The following DGKB variants were observed in gnomAD, a reference collection of about 807,000 sequenced individuals.
The protein encoded by DGKB is diacylglycerol kinase beta.
Under a neutral mutation model 114.3 loss-of-function variants are expected in DGKB, and 67 were observed. The observed-to-expected ratio is 0.59, with a 90% CI of 0.48 to 0.72. DGKB has a LOEUF of 0.72. Among genes scored for constraint, DGKB ranks in the 30% least tolerant of loss-of-function variants. The pLI is 0.00. For missense variants in DGKB, 907 were observed against 975.2 expected (o/e 0.93, Z 0.93); for synonymous variants, 398 against 323.1 (o/e 1.23, Z -2.49).
chr7:14,501,959 G>A (rs1242267231), intron 20 of DGKB, among the ~76,000 whole-genome samples: 2 of 151,890 alleles, frequency 1.3e-5, no homozygotes, highest in African/African-American at 4.8e-5. Context: ...TTGGAAGATG[G>A]TGAGTATATT....
chr7:14,540,458 T>C (rs1282490089), intron 20 of DGKB, among the ~76,000 whole-genome samples: 1 of 152,120 alleles, frequency 6.6e-6, no homozygotes, highest in Non-Finnish European at 1.5e-5. Flanking sequence ...TAAAAAGCTC[T>C]GGGGTAAGTT....
At chr7:14,558,839 C>T (rs572309269) in intron 20 of DGKB, among the ~76,000 whole-genome samples, 84 of 152,290 alleles carry the variant, frequency 5.5e-4, no homozygotes, top group African/African-American at 9.9e-4. Flanking sequence ...ACCTAGGACT[C>T]CATTTGCTTA....
At chr7:14,759,749 A>C (rs67412719) in intron 2 of DGKB, among the ~76,000 whole-genome samples, 16,409 of 152,174 alleles carry the variant, frequency 0.11, 1,024 homozygotes, top group African/African-American at 0.18. Flanking sequence ...TAAACATATA[A>C]TTCAATTCTC....
chr7:14,737,283 A>ATTTTT (rs11348925), intron 4 of DGKB, among the ~76,000 whole-genome samples: 1 of 82,502 alleles, frequency 1.2e-5, no homozygotes, highest in East Asian at 3.9e-4. Flanking sequence ...TTGAAGGCCA[A>ATTTTT]TTTTTTTTTT....
chr7:14,417,978 A>T (rs1157433805), intron 21 of DGKB, among the ~76,000 whole-genome samples: 4 of 151,430 alleles, frequency 2.6e-5, no homozygotes, highest in African/African-American at 9.6e-5. Context: ...AAACATAAGT[A>T]AACTTGAGTT....
Position 14,621,490 on chromosome 7 carries a change from C to T in DGKB, c.1172G>A (p.Arg391Lys), listed in dbSNP as rs753752171. The T allele has an allele frequency of 1.9e-6, 3 of 1,579,982 alleles. No homozygotes were observed. The highest frequency in any genetic ancestry group is 2.6e-6 in the Non-Finnish European group (3 of 1,163,640). ...CTTTTCCTTTTTCACTGTTGATTGT[C>T]TTTCCTGTAAAAAAGAAAATTTTGA... is the stretch of plus-strand genomic sequence containing the variant. Reference protein sequence around the residue: ...PTSGVSVPEERQSTVKKEKSG... With the variant: ...PTSGVSVPEEKQSTVKKEKSG... The change falls in exon 15 of 26, where the codon AGA becomes AAA. Residue 391 changes from arginine to lysine, a missense_variant. Transcript: ENST00000402815.
chr7:14,690,759 C>A (rs1382964796), intron 9 of DGKB, among the ~76,000 whole-genome samples: 1 of 152,146 alleles, frequency 6.6e-6, no homozygotes, highest in Non-Finnish European at 1.5e-5. Flanking sequence ...ACAGAGTTTA[C>A]CTCTATATAA....
intron 12 of DGKB, among the ~76,000 whole-genome samples, chr7:14,675,617 T>C (rs977122816): frequency 4.6e-5 from 7 of 151,602 alleles, no homozygotes; most frequent in African/African-American, 1.7e-4. Flanking sequence ...ATAAATCTAG[T>C]ATGGGATTTC....
At chr7:14,706,994 C>CA (rs1826374367) in intron 6 of DGKB, among the ~76,000 whole-genome samples, 2 of 149,996 alleles carry the variant, frequency 1.3e-5, no homozygotes, top group South Asian at 2.1e-4. Context: ...AATAGAGACA[C>CA]AAAAAACCCT....
chr7:14,277,167 CTTAGT>C (rs1263122633), intron 23 of DGKB, among the ~76,000 whole-genome samples: 1 of 114,340 alleles, frequency 8.7e-6, no homozygotes, highest in Non-Finnish European at 1.9e-5. Context: ...TTTAAATTTT[CTTAGT>C]TTATTTTATT....
At chr7:14,402,984 T>A (rs1462661800) in intron 21 of DGKB, among the ~76,000 whole-genome samples, 3 of 151,892 alleles carry the variant, frequency 2.0e-5, no homozygotes, top group African/African-American at 7.2e-5. Flanking sequence ...TTTCGGACAT[T>A]TCAGCTCCAC....
intron 15 of DGKB, 85 bp from the exon 16 acceptor site, chr7:14,613,498 A>C (rs1805948548): frequency 1.4e-6 from 1 of 731,730 alleles, no homozygotes; most frequent in Non-Finnish European, 2.3e-6. Flanking sequence ...ATTATAAAAT[A>C]CCAATACGCA....
At chr7:14,625,763 C>T (rs951957635) in intron 14 of DGKB, among the ~76,000 whole-genome samples, 22 of 151,232 alleles carry the variant, frequency 1.5e-4, no homozygotes, top group African/African-American at 5.3e-4. Flanking sequence ...TATTCAAACA[C>T]TGAAAAGAGC....
At chr7:14,540,089 G>A (rs1256168872) in intron 20 of DGKB, among the ~76,000 whole-genome samples, 1 of 151,796 alleles carries the variant, frequency 6.6e-6, no homozygotes, top group East Asian at 1.9e-4. Flanking sequence ...CACAGACCCT[G>A]TACTTAGTCT....
At chr7:14,320,154 G>C (rs929968991) in intron 23 of DGKB, among the ~76,000 whole-genome samples, 2 of 152,182 alleles carry the variant, frequency 1.3e-5, no homozygotes, top group Admixed American at 1.3e-4. Flanking sequence ...TGGGAGCTGA[G>C]GGGGAGGCGG....
chr7:14,536,945 G>GAATTAAA (rs1412471166), intron 20 of DGKB, among the ~76,000 whole-genome samples: 2 of 151,912 alleles, frequency 1.3e-5, no homozygotes, highest in Non-Finnish European at 2.9e-5. Context: ...AAAACTGAGG[G>GAATTAAA]AATTAAAAAT....
At chr7:14,458,299 T>C (rs1428746878) in intron 21 of DGKB, among the ~76,000 whole-genome samples, 2 of 152,122 alleles carry the variant, frequency 1.3e-5, no homozygotes, top group Non-Finnish European at 2.9e-5. Flanking sequence ...GATAAAATAG[T>C]GTAACAATAA....
At chr7:14,170,522 G>A (rs186402521) in intron 25 of DGKB, among the ~76,000 whole-genome samples, 16 of 152,200 alleles carry the variant, frequency 1.1e-4, no homozygotes, top group African/African-American at 3.9e-4. Flanking sequence ...CTGTTCTTAT[G>A]TCTTGAAAAA....
chr7:14,334,401 C>T (rs932258946), intron 23 of DGKB, among the ~76,000 whole-genome samples: 11 of 114,686 alleles, frequency 9.6e-5, no homozygotes, highest in African/African-American at 3.0e-4. Context: ...TGTGTGCGCG[C>T]GCGTGTATGT....
Sources: gnomAD v4.1 joint callset for allele counts (sites outside exome capture counted in the v4.1 genomes callset) on GRCh38, gnomAD v4.1.1 for gene constraint, MANE v1.5 for transcripts, NCBI Gene and HGNC (gene_info 2026-07-23, HGNC 2026-07-21) for gene names.